Variants in FAM222B observed in about 807,000 individuals in gnomAD.
FAM222B encodes protein FAM222B.
A neutral mutation model predicts 38.0 loss-of-function variants in FAM222B; 12 were observed. That is an observed-to-expected ratio of 0.32 (90% confidence interval 0.20 to 0.51). The LOEUF (loss-of-function observed/expected upper bound fraction) is 0.51. Ranked by LOEUF, FAM222B falls within the 20% of genes least tolerant of loss-of-function variation. The pLI is 0.97. For synonymous variants in FAM222B, 329 were observed against 317.2 expected, an observed-to-expected ratio of 1.04 and a Z score of -0.40; for missense variants, 716 against 754.2, an observed-to-expected ratio of 0.95 and a Z score of 0.59.
intron 1 of FAM222B, among the ~76,000 whole-genome samples, chr17:28,783,672 G>T (rs995092557): frequency 2.0e-5 from 3 of 152,102 alleles, no homozygotes; most frequent in Non-Finnish European, 4.4e-5. Flanking sequence ...AGTGCATCCA[G>T]CTAATTTTTT....
At chr17:28,825,374 C>T (rs925364390) in intron 1 of FAM222B, among the ~76,000 whole-genome samples, 3 of 139,110 alleles carry the variant, frequency 2.2e-5, no homozygotes, top group Admixed American at 8.0e-5. Context: ...GTGGAGGTTA[C>T]GGGGAACCAA....
chr17:28,809,667 C>T (rs1190586221), intron 1 of FAM222B, among the ~76,000 whole-genome samples: 1 of 152,024 alleles, frequency 6.6e-6, no homozygotes, highest in African/African-American at 2.4e-5. Context: ...TCACACAAAT[C>T]AGTCAAAAAA....
rs566988684 is a variant in FAM222B, at chr17:28,762,507, G to C, written c.83-2631C>G. The stretch of plus-strand genomic sequence containing the variant: ...CCTGGGATGGTGGAGCGCACTTGTA[G>C]TCCCAGCTACTTGGGAGGCTGAGGC... On this transcript the variant is annotated intron_variant, in intron 2 of 2. Coordinates refer to ENST00000581407, the MANE Select transcript of FAM222B (RefSeq NM_001077498.3). Among the ~76,000 whole-genome samples the C allele has an allele frequency of 7.3e-5, 11 of 150,470 alleles. No homozygotes were observed. The South Asian group carries it at 2.3e-3, about 32-fold the overall frequency.
chr17:28,850,084 C>CA (rs899619945), intron 1 of FAM222B, among the ~76,000 whole-genome samples: 7 of 150,772 alleles, frequency 4.6e-5, no homozygotes, highest in African/African-American at 1.5e-4. Context: ...AACTCTGTCT[C>CA]AAAAAAAAAT....
intron 1 of FAM222B, among the ~76,000 whole-genome samples, chr17:28,772,013 C>T (rs868287981): frequency 7.2e-5 from 11 of 152,036 alleles, no homozygotes; most frequent in South Asian, 6.2e-4. Flanking sequence ...GCCAAGATGG[C>T]GCCACTGAGC....
At chr17:28,769,480 C>A (rs2035516415) in intron 1 of FAM222B, among the ~76,000 whole-genome samples, 1 of 151,990 alleles carries the variant, frequency 6.6e-6, no homozygotes, top group South Asian at 2.1e-4. Context: ...CGTGCCTGGC[C>A]CAAACGGGGT....
chr17:28,823,444 A>T (rs531542687), intron 1 of FAM222B, among the ~76,000 whole-genome samples: 1 of 151,830 alleles, frequency 6.6e-6, no homozygotes, highest in Non-Finnish European at 1.5e-5. Flanking sequence ...CAGTGGCACA[A>T]TCACCACTTA....
At chr17:28,798,944 A>T (rs1166966040) in intron 1 of FAM222B, among the ~76,000 whole-genome samples, 1 of 147,946 alleles carries the variant, frequency 6.8e-6, no homozygotes, top group East Asian at 2.0e-4. Context: ...AAAGCAATTT[A>T]TCAACTTGTT....
At chr17:28,784,491 TA>T (rs559624246) in intron 1 of FAM222B, among the ~76,000 whole-genome samples, 7 of 36,046 alleles carry the variant, frequency 1.9e-4, no homozygotes, top group African/African-American at 5.4e-4. Flanking sequence ...TCCCCTCTCT[TA>T]AAAAAAAAAA....
intron 1 of FAM222B, among the ~76,000 whole-genome samples, chr17:28,771,407 C>T (rs1485188223): frequency 6.6e-6 from 1 of 152,138 alleles, no homozygotes; most frequent in Non-Finnish European, 1.5e-5. Flanking sequence ...ACTGGCTGGG[C>T]GTGGTGGCTC....
At chr17:28,790,955 G>C (rs1372156017) in intron 1 of FAM222B, among the ~76,000 whole-genome samples, 1 of 128,548 alleles carries the variant, frequency 7.8e-6, no homozygotes, top group African/African-American at 3.0e-5. Flanking sequence ...CTGGAGTGCA[G>C]TGGCGAGATC....
chr17:28,807,020 C>CT (rs919878688), intron 1 of FAM222B, among the ~76,000 whole-genome samples: 130 of 144,074 alleles, frequency 9.0e-4, no homozygotes, highest in East Asian at 4.2e-3. Flanking sequence ...CTTTTTTTAT[C>CT]TTTTTTTTTT....
At chr17:28,784,565 G>A (rs1025572355) in intron 1 of FAM222B, among the ~76,000 whole-genome samples, 29 of 144,122 alleles carry the variant, frequency 2.0e-4, no homozygotes, top group Admixed American at 1.4e-4. Context: ...TTCACTGGGC[G>A]CGGTGGCTCA....
At chr17:28,801,451 CAAAAAAA>C (rs766189732) in intron 1 of FAM222B, among the ~76,000 whole-genome samples, 9 of 90,326 alleles carry the variant, frequency 1.0e-4, no homozygotes, top group African/African-American at 1.3e-4. Flanking sequence ...GACTCCGTCT[CAAAAAAA>C]AAAAAAAAAA....
At position 28,756,994 on chromosome 17, in the gene FAM222B, A is replaced by G; in HGVS notation, c.*1276T>C. On this transcript the variant is annotated 3_prime_UTR_variant, in exon 3 of 3. Transcript: ENST00000581407. ...CAGAATGGTGCAAAAATTTGTAACA[A>G]AACAGTCTAAGTTTAAAATTACAGA... The G allele has an allele frequency of 6.6e-6, 1 of 152,516 alleles. No individual in the cohort carries two copies. The highest frequency in any genetic ancestry group is 1.9e-4 in the East Asian group (1 of 5,204). 9.4% of individuals were successfully genotyped at this position (152,516 alleles called of 1,614,324 possible). A position where few individuals can be genotyped will look rare whatever the true frequency, so the allele number is the denominator to read the frequency against.
intron 1 of FAM222B, among the ~76,000 whole-genome samples, chr17:28,798,353 G>A (rs938019992): frequency 3.3e-5 from 5 of 152,070 alleles, no homozygotes; most frequent in Non-Finnish European, 7.4e-5. Flanking sequence ...CTGCACTCCA[G>A]CCCGGGCAAA....
chr17:28,853,654 G>A (rs867004310), intron 1 of FAM222B, among the ~76,000 whole-genome samples: 52 of 152,124 alleles, frequency 3.4e-4, no homozygotes, highest in African/African-American at 1.1e-3. Context: ...CTGAAATCCC[G>A]TGATAGAGAT....
intron 1 of FAM222B, among the ~76,000 whole-genome samples, chr17:28,804,113 C>T (rs1180427544): frequency 6.6e-6 from 1 of 152,160 alleles, no homozygotes; most frequent in African/African-American, 2.4e-5. Flanking sequence ...AAGGTCAGGT[C>T]TCTTCGGGAA....
chr17:28,845,309 G>A (rs1348853812), upstream of FAM222B, among the ~76,000 whole-genome samples: 1 of 151,872 alleles, frequency 6.6e-6, no homozygotes, highest in Non-Finnish European at 1.5e-5. Context: ...GCTGAGGCGG[G>A]AGAATGGCGT....
Sources: allele counts gnomAD v4.1 joint callset (sites outside exome capture counted in the v4.1 genomes callset), GRCh38; gene constraint gnomAD v4.1.1; transcripts MANE v1.5; gene names NCBI Gene and HGNC (gene_info 2026-07-23, HGNC 2026-07-21).